Variants in FGF13 observed in about 807,000 individuals in gnomAD.
The protein encoded by FGF13 is fibroblast growth factor homologous factor 2.
FGF13 carries 2 observed loss-of-function variants against 19.5 expected under a neutral mutation model. The observed-to-expected ratio is 0.10, with a 90% CI of 0.04 to 0.32. The LOEUF is 0.32. Ranked by LOEUF, FGF13 falls within the 10% of genes least tolerant of loss-of-function variation. The pLI is 1.00. For missense variants in FGF13, 113 were observed against 192.7 expected (o/e 0.59, Z 2.45); for synonymous variants, 72 against 76.9 (o/e 0.94, Z 0.33).
chrX:138,827,136 A>C (rs2091039794), intron 3 of FGF13, among the ~76,000 whole-genome samples: 1 of 112,414 alleles, frequency 8.9e-6, no homozygotes, highest in African/African-American at 3.2e-5. Context: ...TCCAAGATAG[A>C]AAAAGGCATT....
In FGF13 at chrX:138,665,300, G is replaced by A. The variant is rs963138843; in HGVS notation, c.403-29645C>T. ...TCCACGGCTACCTGGGGTTCAGCTC[G>A]AGCCAAGGCTCTAATGATCTCAATT... is the stretch of plus-strand genomic sequence containing the variant. On this transcript the variant is annotated intron_variant, in intron 3 of 4. Transcript: ENST00000315930. Among the ~76,000 whole-genome samples, 102 of 111,090 alleles carry A rather than the reference G, an allele frequency of 9.2e-4. 1 individual carries two copies. Among genetic ancestry groups the A allele is most frequent in the African/African-American group, 3.0e-3 (91 of 30,643 alleles).
intron 1 of FGF13, among the ~76,000 whole-genome samples, chrX:138,967,372 T>C (rs1736967060): frequency 9.0e-6 from 1 of 111,422 alleles, no homozygotes; most frequent in Non-Finnish European, 1.9e-5. Context: ...AAAAAATCAT[T>C]GCACACTAAG....
chrX:139,047,388 T>C (rs1171242397), intron 1 of FGF13, among the ~76,000 whole-genome samples: 1 of 110,283 alleles, frequency 9.1e-6, no homozygotes, highest in Non-Finnish European at 1.9e-5. Flanking sequence ...ACATTTATTT[T>C]TTGGTTTTTT....
At chrX:139,061,192 A>G (rs1275453171) in intron 1 of FGF13, among the ~76,000 whole-genome samples, 1 of 111,532 alleles carries the variant, frequency 9.0e-6, no homozygotes, top group African/African-American at 3.3e-5. Flanking sequence ...CTAAATCTTC[A>G]CCAATATTCC....
chrX:138,754,975 C>A lies in FGF13; in HGVS notation c.218-46047G>T, dbSNP rs1221039473. On this transcript the variant is annotated intron_variant, in intron 3 of 6. Coordinates refer to the FGF13 transcript ENST00000436198. ...AGACTTCTCTCCATGCACCTTTCCCCTTTGTTAATTTTGCTGTGTGTCCTA... is the reference window on the plus strand; with the variant it reads ...AGACTTCTCTCCATGCACCTTTCCCATTTGTTAATTTTGCTGTGTGTCCTA... Among the ~76,000 whole-genome samples, 3 of 111,788 alleles carry A rather than the reference C, an allele frequency of 2.7e-5. No homozygotes were observed. The Admixed American group carries it at 2.9e-4, about 11-fold the overall frequency.
At chrX:138,851,488 G>A (rs868048085) in intron 3 of FGF13, among the ~76,000 whole-genome samples, 2 of 111,499 alleles carry the variant, frequency 1.8e-5, no homozygotes, top group Non-Finnish European at 3.8e-5. Flanking sequence ...CTCTAATGAC[G>A]CAGCAAAGGT....
At chrX:138,652,860 C>T (rs751767815) in intron 3 of FGF13, among the ~76,000 whole-genome samples, 1 of 111,978 alleles carries the variant, frequency 8.9e-6, no homozygotes, top group South Asian at 3.7e-4. Flanking sequence ...ATCCTGATGG[C>T]TAGTAAATTT....
intron 3 of FGF13, among the ~76,000 whole-genome samples, chrX:138,845,576 C>A (rs1317614989): frequency 2.7e-5 from 3 of 111,453 alleles, no homozygotes; most frequent in Non-Finnish European, 5.7e-5. Context: ...TAAATGGAGT[C>A]CTGACTGGGA....
At chrX:138,927,941 T>C (rs1374661154) in intron 1 of FGF13, among the ~76,000 whole-genome samples, 3 of 112,126 alleles carry the variant, frequency 2.7e-5, no homozygotes, top group Non-Finnish European at 5.6e-5. Flanking sequence ...AATATTTACA[T>C]ATAAAGCTAT....
downstream of FGF13, among the ~76,000 whole-genome samples, chrX:138,854,247 A>C (rs1235371908): frequency 8.9e-6 from 1 of 111,870 alleles, no homozygotes; most frequent in Non-Finnish European, 1.9e-5. Context: ...TTATAGAAAT[A>C]ATCATGTCAC....
At chrX:138,836,679 C>A (rs1199421577) in intron 3 of FGF13, among the ~76,000 whole-genome samples, 3 of 111,989 alleles carry the variant, frequency 2.7e-5, no homozygotes, top group African/African-American at 9.7e-5. Context: ...ATTCTGAATT[C>A]TCCTTCTGTC....
At chrX:138,807,780 C>T in intron 3 of FGF13, among the ~76,000 whole-genome samples, 1 of 111,387 alleles carries the variant, frequency 9.0e-6, no homozygotes, top group East Asian at 2.8e-4. Flanking sequence ...CAAAAAAAAG[C>T]AGGGGTTGCA....
Position 138,622,517 on chromosome X carries a change from A to C in FGF13, c.*10333T>G, listed in dbSNP as rs1334024716. On this transcript the variant is annotated 3_prime_UTR_variant, in exon 5 of 5. Transcript: ENST00000315930. ...CGTGATAGTCAGTAGTGAAATGCTG[A>C]AAGCTTTTCTTCTGAAATCAGGATG... 1 of 112,531 alleles carries C rather than the reference A, an allele frequency of 8.9e-6. No individual in the cohort carries two copies. The highest frequency in any genetic ancestry group is 2.8e-4 in the East Asian group (1 of 3,574). 9.3% of individuals were successfully genotyped at this position (112,531 alleles called of 1,213,427 possible).
intron 1 of FGF13, among the ~76,000 whole-genome samples, chrX:138,951,208 C>T (rs191943371): frequency 9.1e-4 from 101 of 111,308 alleles, no homozygotes; most frequent in Middle Eastern, 4.7e-3. Context: ...TATAGTACTC[C>T]GCCTCCCATC....
At chrX:139,123,172 C>T (rs1271559423) in intron 1 of FGF13, among the ~76,000 whole-genome samples, 1 of 111,766 alleles carries the variant, frequency 8.9e-6, no homozygotes, top group African/African-American at 3.3e-5. Flanking sequence ...TGTTCCTGTT[C>T]CCACCTCTGC....
chrX:139,033,329 G>T (rs1385087101), intron 1 of FGF13, among the ~76,000 whole-genome samples: 1 of 111,877 alleles, frequency 8.9e-6, no homozygotes, highest in African/African-American at 3.2e-5. Context: ...TGCAAAAGAG[G>T]AAAGCCAGAA....
intron 3 of FGF13, among the ~76,000 whole-genome samples, chrX:138,775,958 A>T (rs1181504821): frequency 8.9e-6 from 1 of 112,375 alleles, no homozygotes; most frequent in Non-Finnish European, 1.9e-5. Context: ...GCCGGTCTCT[A>T]CCCTGGAGGA....
chrX:138,760,517 G>A (rs751397072), intron 3 of FGF13, among the ~76,000 whole-genome samples: 2 of 111,803 alleles, frequency 1.8e-5, no homozygotes, highest in Non-Finnish European at 3.8e-5. Context: ...ACCAAGGTGG[G>A]CAGGGGAGGG....
chrX:138,942,216 G>T (rs1370570703), intron 1 of FGF13, among the ~76,000 whole-genome samples: 1 of 111,422 alleles, frequency 9.0e-6, no homozygotes, highest in African/African-American at 3.3e-5. Context: ...CAGAGGCTGA[G>T]GGTGAACCAT....
Sources: allele counts gnomAD v4.1 joint callset (sites outside exome capture counted in the v4.1 genomes callset), GRCh38; gene constraint gnomAD v4.1.1; transcripts MANE v1.5; gene names NCBI Gene and HGNC (gene_info 2026-07-23, HGNC 2026-07-21).